NOL4: variants seen among roughly 807,000 people sequenced by gnomAD.
NOL4 encodes the protein cancer/testis antigen 125.
A neutral mutation model predicts 75.9 loss-of-function variants in NOL4; 17 were observed. The ratio of observed to expected loss-of-function variants is 0.22; its 90% confidence interval spans 0.15 to 0.34. NOL4 has a LOEUF of 0.34. Among genes scored for constraint, NOL4 ranks in the 10% least tolerant of loss-of-function variants. The pLI is 1.00. For synonymous variants in NOL4, 292 were observed against 289.9 expected (o/e 1.01, Z -0.07); for missense variants, 614 against 793.5 (o/e 0.77, Z 2.72).
chr18:34,149,851 A>G (rs2146077448), intron 1 of NOL4, among the ~76,000 whole-genome samples: 1 of 151,830 alleles, frequency 6.6e-6, no homozygotes, highest in Non-Finnish European at 1.5e-5. Flanking sequence ...TGTCCCTGGT[A>G]TATAGTACGT....
At chr18:34,148,389 G>A (rs777272840) in intron 1 of NOL4, among the ~76,000 whole-genome samples, 2 of 152,008 alleles carry the variant, frequency 1.3e-5, no homozygotes, top group Admixed American at 6.6e-5. Context: ...CCTTAGCTGT[G>A]TCCCAGAGAT....
intron 9 of NOL4, among the ~76,000 whole-genome samples, chr18:33,928,443 A>G (rs1270155009): frequency 2.6e-5 from 4 of 152,180 alleles, no homozygotes; most frequent in African/African-American, 9.7e-5. Flanking sequence ...AATGGAAAGA[A>G]AAACATCAGA....
chr18:33,971,359 T>C (rs1466311693), intron 6 of NOL4, among the ~76,000 whole-genome samples: 1 of 152,220 alleles, frequency 6.6e-6, no homozygotes, highest in Non-Finnish European at 1.5e-5. Context: ...TTTTCCTCCA[T>C]TGTTTTGTAG....
intron 1 of NOL4, among the ~76,000 whole-genome samples, chr18:34,160,288 C>A (rs1354626322): frequency 6.6e-6 from 1 of 151,996 alleles, no homozygotes; most frequent in Admixed American, 6.6e-5. Flanking sequence ...CAAAATGGAC[C>A]TATCCTCCTC....
At chr18:34,145,684 C>T (rs559781351) in intron 1 of NOL4, among the ~76,000 whole-genome samples, 54 of 151,394 alleles carry the variant, frequency 3.6e-4, no homozygotes, top group Non-Finnish European at 7.2e-4. Context: ...AACATTATCT[C>T]GGGGAAAAGA....
Position 33,895,139 on chromosome 18 carries a change from TA to T in NOL4, c.1543-11716del, listed in dbSNP as rs2065322616. On this transcript the variant is annotated intron_variant, in intron 9 of 10. Transcript: ENST00000261592. ...ATCAAGATAATATGAATAAATTCCT[TA>T]AAAATGCATTACTGTGAAAAATACA... Among the ~76,000 whole-genome samples the T allele has an allele frequency of 2.6e-5, 4 of 152,194 alleles. No individual in the cohort carries two copies. In the South Asian group the frequency reaches 8.3e-4, roughly 32 times the overall value.
intron 5 of NOL4, among the ~76,000 whole-genome samples, chr18:34,056,427 A>G (rs1239304148): frequency 2.0e-5 from 3 of 152,112 alleles, no homozygotes; most frequent in Non-Finnish European, 4.4e-5. Context: ...TCAGGAGCTC[A>G]TAATCTCCTG....
At chr18:33,874,039 A>C (rs2063820000) in intron 10 of NOL4, among the ~76,000 whole-genome samples, 1 of 151,964 alleles carries the variant, frequency 6.6e-6, no homozygotes, top group Admixed American at 6.6e-5. Context: ...ATCAAATATT[A>C]GATTTCTCTG....
At chr18:33,963,844 T>C (rs891692560) in intron 6 of NOL4, among the ~76,000 whole-genome samples, 5 of 152,172 alleles carry the variant, frequency 3.3e-5, no homozygotes, top group African/African-American at 1.2e-4. Flanking sequence ...AAACGTGACC[T>C]GTTTGCTTAT....
At chr18:34,111,277 A>C (rs1214268450) in intron 2 of NOL4, among the ~76,000 whole-genome samples, 1 of 152,210 alleles carries the variant, frequency 6.6e-6, no homozygotes, top group East Asian at 1.9e-4. Context: ...AAAACATATA[A>C]AGAACTCAAA....
chr18:33,941,195 A>G (rs901750360), intron 9 of NOL4, among the ~76,000 whole-genome samples: 3 of 152,040 alleles, frequency 2.0e-5, no homozygotes, highest in African/African-American at 7.2e-5. Context: ...TGTATGTCCC[A>G]TTTTACAGAT....
intron 1 of NOL4, among the ~76,000 whole-genome samples, chr18:34,203,872 A>T (rs1000601680): frequency 6.6e-6 from 1 of 151,974 alleles, no homozygotes; most frequent in Non-Finnish European, 1.5e-5. Flanking sequence ...TCTTGGTCCC[A>T]TATGACCCAG....
At chr18:34,107,295 CA>C (rs2079335499) in intron 2 of NOL4, among the ~76,000 whole-genome samples, 1 of 151,984 alleles carries the variant, frequency 6.6e-6, no homozygotes, top group Non-Finnish European at 1.5e-5. Flanking sequence ...ATGTAATGGT[CA>C]AAAATGTTTG....
At chr18:34,086,783 G>A (rs1363455274) in intron 5 of NOL4, among the ~76,000 whole-genome samples, 2 of 152,100 alleles carry the variant, frequency 1.3e-5, no homozygotes, top group Non-Finnish European at 2.9e-5. Context: ...AAAGTCCAGT[G>A]TGTGCAGTGT....
At chr18:34,053,763 A>G (rs542244827) in intron 5 of NOL4, among the ~76,000 whole-genome samples, 1 of 152,120 alleles carries the variant, frequency 6.6e-6, no homozygotes, top group East Asian at 1.9e-4. Context: ...TATTATAATT[A>G]TACTGATATA....
At chr18:33,934,691 C>A (rs1480719957) in intron 9 of NOL4, among the ~76,000 whole-genome samples, 1 of 152,082 alleles carries the variant, frequency 6.6e-6, no homozygotes, top group Non-Finnish European at 1.5e-5. Context: ...AGCTTCCTCA[C>A]CTCTCTTACT....
At chr18:33,918,199 G>GA (rs1328968020) in intron 9 of NOL4, among the ~76,000 whole-genome samples, 3 of 152,166 alleles carry the variant, frequency 2.0e-5, no homozygotes, top group Non-Finnish European at 2.9e-5. Context: ...CCAAGAGGGG[G>GA]AAAAATCTGC....
chr18:34,217,303 G>T (rs1050187278), intron 1 of NOL4, among the ~76,000 whole-genome samples: 4 of 149,316 alleles, frequency 2.7e-5, no homozygotes, highest in African/African-American at 4.9e-5. Context: ...TATTTTTTTT[G>T]AGATGGAGTC....
intron 5 of NOL4, among the ~76,000 whole-genome samples, chr18:34,077,492 T>C (rs570744833): frequency 6.6e-6 from 1 of 152,050 alleles, no homozygotes; most frequent in Non-Finnish European, 1.5e-5. Context: ...TCCACACATA[T>C]GCATGTATAT....
Sources: allele counts gnomAD v4.1 joint callset (sites outside exome capture counted in the v4.1 genomes callset), GRCh38; gene constraint gnomAD v4.1.1; transcripts MANE v1.5; gene names NCBI Gene and HGNC (gene_info 2026-07-23, HGNC 2026-07-21).